Variants in SEPTIN9 observed in about 807,000 individuals in gnomAD.
SEPTIN9 encodes septin 9, also known as septin-9.
In SEPTIN9, 13 loss-of-function variants were observed where a neutral mutation model predicts 56.6. The observed-to-expected ratio is 0.23, with a 90% CI of 0.15 to 0.37. The LOEUF (loss-of-function observed/expected upper bound fraction) is 0.37, where lower values mean the gene tolerates loss of function less well. Among genes scored for constraint, SEPTIN9 ranks in the 10% least tolerant of loss-of-function variants. SEPTIN9 has a pLI of 1.00. For missense variants in SEPTIN9, 650 were observed against 823.1 expected (o/e 0.79, Z 2.57); for synonymous variants, 332 against 334.1 (o/e 0.99, Z 0.07).
intron 3 of SEPTIN9, among the ~76,000 whole-genome samples, chr17:77,409,612 G>T (rs2036218483): frequency 1.3e-5 from 2 of 152,188 alleles, no homozygotes; most frequent in Non-Finnish European, 2.9e-5. Flanking sequence ...TGGAGCCCCG[G>T]CCCCCAGACA....
At chr17:77,417,325 G>C (rs1181492491) in intron 3 of SEPTIN9, among the ~76,000 whole-genome samples, 1 of 152,196 alleles carries the variant, frequency 6.6e-6, no homozygotes, top group African/African-American at 2.4e-5. Context: ...AGCTGTTGAC[G>C]AGTTGCACGA....
Position 77,355,359 on chromosome 17 carries a change from G to A in SEPTIN9, c.77-46700G>A, listed in dbSNP as rs371880. Among the ~76,000 whole-genome samples the A allele has an allele frequency of 4.2e-3, 641 of 152,326 alleles. 6 individuals carry two copies. Among genetic ancestry groups the A allele is most frequent in the African/African-American group, 0.015 (606 of 41,570 alleles). On this transcript the variant is annotated intron_variant, in intron 2 of 11. Transcript: ENST00000427177. ...CAGATCCCGTCTTGGATGTGTGGGT[G>A]ATTGTCAGCCACATGTGTGTGAAGG... is the stretch of plus-strand genomic sequence containing the variant.
At position 77,323,116 on chromosome 17, in the gene SEPTIN9, T is replaced by A. The variant is rs896312080; in HGVS notation, c.76+15919T>A. 8.5e-5 allele frequency among the ~76,000 whole-genome samples: 13 copies of A among 152,116 alleles called. No homozygotes were observed. The highest frequency in any genetic ancestry group is 1.2e-4 in the African/African-American group (5 of 41,416). ...AGGAGCCCCAAGACCTGCCCTCTTG[T>A]CCCTCCCTCGGCAGTGTCTGGCTCC... On this transcript the variant is annotated intron_variant, in intron 2 of 11. Transcript: ENST00000427177. The surrounding 1 kb of genome is among the most constrained non-coding windows in gnomAD (Gnocchi z 6.8).
rs562133888 is a variant in SEPTIN9 at position 77,421,696 on chromosome 17, C to G, written c.721+18993C>G. On this transcript the variant is annotated intron_variant, in intron 3 of 11. Coordinates refer to ENST00000427177, the MANE Select transcript of SEPTIN9 (RefSeq NM_001113491.2). This position sits in a 1 kb window ranked among gnomAD's most constrained non-coding sequence, Gnocchi z 4.6. ...CCTCCACGGTGGATTGGGCTGAGCT[C>G]TCTGCCTCGGCCGACGTCTTTCCCC... Among the ~76,000 whole-genome samples, 99 of 152,306 alleles carry G rather than the reference C, an allele frequency of 6.5e-4. No individual in the cohort carries two copies. Among genetic ancestry groups the G allele is most frequent in the Middle Eastern group, 3.4e-3 (1 of 294 alleles).
At chr17:77,343,134 G>A (rs1220537341) in intron 2 of SEPTIN9, among the ~76,000 whole-genome samples, 1 of 152,112 alleles carries the variant, frequency 6.6e-6, no homozygotes, top group African/African-American at 2.4e-5. Context: ...CTAAGGAGGC[G>A]ACTGGTGGCT....
intron 2 of SEPTIN9, among the ~76,000 whole-genome samples, chr17:77,312,122 C>T (rs1009292420): frequency 6.6e-6 from 1 of 152,150 alleles, no homozygotes; most frequent in Non-Finnish European, 1.5e-5. Context: ...GTTGGGCCTC[C>T]ATCATCCCTC....
chr17:77,494,937 G>A (rs890672988), intron 10 of SEPTIN9, among the ~76,000 whole-genome samples: 5 of 152,226 alleles, frequency 3.3e-5, no homozygotes, highest in African/African-American at 1.2e-4. Context: ...TCCAGTATCC[G>A]CCTGTGGTGT....
chr17:77,340,832 C>T (rs1034658964), intron 2 of SEPTIN9, among the ~76,000 whole-genome samples: 8 of 152,376 alleles, frequency 5.3e-5, no homozygotes, highest in African/African-American at 1.9e-4. Flanking sequence ...CCTGCTGCTT[C>T]ACCTTGCACT....
chr17:77,419,263 C>G (rs2036609926), intron 3 of SEPTIN9, among the ~76,000 whole-genome samples: 1 of 152,154 alleles, frequency 6.6e-6, no homozygotes, highest in South Asian at 2.1e-4. Flanking sequence ...CTTGGGGTGT[C>G]GGCTGCCTCC....
At chr17:77,370,100 A>C (rs914790685) in intron 2 of SEPTIN9, among the ~76,000 whole-genome samples, 1 of 152,206 alleles carries the variant, frequency 6.6e-6, no homozygotes, top group Non-Finnish European at 1.5e-5. Flanking sequence ...TTTGACCTCA[A>C]GGCATGATGC....
chr17:77,463,253 C>G (rs1243109183), intron 3 of SEPTIN9, among the ~76,000 whole-genome samples: 1 of 152,156 alleles, frequency 6.6e-6, no homozygotes, highest in Admixed American at 6.5e-5. Flanking sequence ...GGCACTGTAT[C>G]TTGGAGTGTG....
In SEPTIN9 at chr17:77,367,025, A is replaced by G. The variant is rs1598261525; in HGVS notation, c.77-35034A>G. On this transcript the variant is annotated intron_variant, in intron 2 of 11. Coordinates refer to ENST00000427177, the MANE Select transcript of SEPTIN9 (RefSeq NM_001113491.2). The surrounding 1 kb of genome is among the most constrained non-coding windows in gnomAD (Gnocchi z 4.5). ...GGGGGATCACTGGGAAGTCTGGGGA[A>G]CAGATTGGTCATGTGCTTCTTTGAG... 6.6e-6 allele frequency among the ~76,000 whole-genome samples: 1 copy of G among 152,352 alleles called. No individual in the cohort carries two copies. Among genetic ancestry groups the G allele is most frequent in the African/African-American group, 2.4e-5 (1 of 41,588 alleles).
At chr17:77,315,644 G>A (rs2032672155) in intron 2 of SEPTIN9, among the ~76,000 whole-genome samples, 1 of 152,252 alleles carries the variant, frequency 6.6e-6, no homozygotes, top group African/African-American at 2.4e-5. Context: ...CAGGTTGAGT[G>A]AGTGTGACAC....
At chr17:77,295,073 G>A (rs2031749262) in intron 1 of SEPTIN9, among the ~76,000 whole-genome samples, 1 of 152,212 alleles carries the variant, frequency 6.6e-6, no homozygotes, top group African/African-American at 2.4e-5. Context: ...GTGGCAGCAA[G>A]CCTCCGTTTC....
intron 2 of SEPTIN9, among the ~76,000 whole-genome samples, chr17:77,358,381 G>A (rs2034318863): frequency 6.6e-6 from 1 of 152,218 alleles, no homozygotes; most frequent in African/African-American, 2.4e-5. Context: ...AGCACTTTGG[G>A]AGACCAAGGC....
chr17:77,330,403 AC>A lies in SEPTIN9; in HGVS notation c.76+23211del, dbSNP rs2033303388. Among the ~76,000 whole-genome samples the A allele has an allele frequency of 6.6e-6, 1 of 151,660 alleles. No individual in the cohort carries two copies. The highest frequency in any genetic ancestry group is 2.4e-5 in the African/African-American group (1 of 41,218). On this transcript the variant is annotated intron_variant, in intron 2 of 11. Coordinates refer to ENST00000427177, the MANE Select transcript of SEPTIN9 (RefSeq NM_001113491.2). The surrounding 1 kb of genome is among the most constrained non-coding windows in gnomAD (Gnocchi z 4.4). ...GGGACTCATTGATCATGGGACTGAC[AC>A]CCCCTCATGTTGATGTGGGCCCTGA...
At position 77,425,213 on chromosome 17, in the gene SEPTIN9, C is replaced by T. The variant is rs549782569; in HGVS notation, c.721+22510C>T. Among the ~76,000 whole-genome samples, 2 of 152,110 alleles carry T rather than the reference C, an allele frequency of 1.3e-5. No individual in the cohort carries two copies. The highest frequency in any genetic ancestry group is 2.9e-5 in the Non-Finnish European group (2 of 68,008). ...GCCCAGCTGTGGGAGGTCGTGCGGGCTGGGGACTGAGAGTGCCGGAGGAGG... is the reference window on the plus strand; with the variant it reads ...GCCCAGCTGTGGGAGGTCGTGCGGGTTGGGGACTGAGAGTGCCGGAGGAGG... On this transcript the variant is annotated intron_variant, in intron 3 of 11. Coordinates refer to ENST00000427177, the MANE Select transcript of SEPTIN9 (RefSeq NM_001113491.2). This position sits in a 1 kb window ranked among gnomAD's most constrained non-coding sequence, Gnocchi z 4.2.
chr17:77,326,914 T>C lies in SEPTIN9; in HGVS notation c.76+19717T>C, dbSNP rs1252947803. ...GGGGTTCCGGGAGCTTCTGGATGGATGAGCATGTGGAGGCTCCTGGAGGGT... is the reference window on the plus strand; with the variant it reads ...GGGGTTCCGGGAGCTTCTGGATGGACGAGCATGTGGAGGCTCCTGGAGGGT... On this transcript the variant is annotated intron_variant, in intron 2 of 11. Transcript: ENST00000427177. This position sits in a 1 kb window ranked among gnomAD's most constrained non-coding sequence, Gnocchi z 5.1. Among the ~76,000 whole-genome samples, 1 of 152,062 alleles carries C rather than the reference T, an allele frequency of 6.6e-6. No homozygotes were observed. Among genetic ancestry groups the C allele is most frequent in the East Asian group, 1.9e-4 (1 of 5,194 alleles).
Position 77,433,638 on chromosome 17 carries a change from G to A in SEPTIN9, c.721+30935G>A, listed in dbSNP as rs532906476. Among the ~76,000 whole-genome samples the A allele has an allele frequency of 1.3e-5, 2 of 152,170 alleles. No homozygotes were observed. Among genetic ancestry groups the A allele is most frequent in the East Asian group, 1.9e-4 (1 of 5,196 alleles). The stretch of plus-strand genomic sequence containing the variant: ...CCAGAGGGGTGGGGCTGGAGCGGGC[G>A]TCTGACCTGTGGCTGGATCTAGCTG... On this transcript the variant is annotated intron_variant, in intron 3 of 11. Transcript: ENST00000427177. This position sits in a 1 kb window ranked among gnomAD's most constrained non-coding sequence, Gnocchi z 6.4.
Sources: allele counts gnomAD v4.1 joint callset (sites outside exome capture counted in the v4.1 genomes callset), GRCh38; gene constraint gnomAD v4.1.1; non-coding constraint Gnocchi (gnomAD v3.1); transcripts MANE v1.5; gene names NCBI Gene and HGNC (gene_info 2026-07-23, HGNC 2026-07-21).